Variants in EDARADD observed in about 807,000 individuals in gnomAD.
The protein encoded by EDARADD is ectodysplasin-A receptor-associated adapter protein.
A neutral mutation model predicts 25.6 loss-of-function variants in EDARADD; 20 were observed. The observed-to-expected ratio is 0.78, with a 90% confidence interval of 0.55 to 1.14. The LOEUF (loss-of-function observed/expected upper bound fraction) is 1.14. Ranked by LOEUF, EDARADD falls within the 50% of genes most tolerant of loss-of-function variation. The probability of loss-of-function intolerance (pLI) is 0.00; values close to 1 mark genes in which losing one functional copy is unlikely to be tolerated. For missense variants in EDARADD, 225 were observed against 270.1 expected (o/e 0.83, Z 1.17); for synonymous variants, 86 against 94.4 (o/e 0.91, Z 0.52).
rs535991937 is a variant in EDARADD at position 236,466,707 on chromosome 1, C to T, written c.220-1524C>T. On this transcript the variant is annotated intron_variant, in intron 4 of 5. Transcript: ENST00000334232. ...AGGTATGTACACTGCTGAGACATGG[C>T]GATGGGTGAGCTTGGGATGAGGAGA... Among the ~76,000 whole-genome samples, 60 of 152,108 alleles carry T rather than the reference C, an allele frequency of 3.9e-4. No homozygotes were observed. In the South Asian group the frequency reaches 6.0e-3, roughly 15 times the overall value.
At chr1:236,405,314 C>T (rs1186560580) in intron 1 of EDARADD, among the ~76,000 whole-genome samples, 1 of 152,218 alleles carries the variant, frequency 6.6e-6, no homozygotes, top group Admixed American at 6.5e-5. Context: ...GTGATGTCTT[C>T]TGTCTCTATC....
Position 236,449,787 on chromosome 1 carries a change from A to G in EDARADD, c.220-18444A>G, listed in dbSNP as rs146756486. ...AGGGATACAGAATTCTTTCTGTTAC[A>G]TGATTACTTTTCTATTATAAAAGTA... On this transcript the variant is annotated intron_variant, in intron 4 of 5. Transcript: ENST00000334232. Among the ~76,000 whole-genome samples, 6 of 152,324 alleles carry G rather than the reference A, an allele frequency of 3.9e-5. No individual in the cohort carries two copies. The East Asian group carries it at 7.7e-4, about 20-fold the overall frequency.
At position 236,483,514 on chromosome 1, in the gene EDARADD, C is replaced by T; in HGVS notation, c.*865C>T. The T allele has an allele frequency of 9.7e-7, 1 of 1,031,576 alleles. No individual in the cohort carries two copies. Among genetic ancestry groups the T allele is most frequent in the Non-Finnish European group, 1.5e-6 (1 of 651,500 alleles). 63.9% of individuals were successfully genotyped at this position (1,031,576 alleles called of 1,614,324 possible). The stretch of plus-strand genomic sequence containing the variant: ...AATGCCATTCTGGGAGTGTCCCTCG[C>T]TGCCTGCAAAGCTAGTGCTGTTGAG... On this transcript the variant is annotated 3_prime_UTR_variant, in exon 6 of 6. Coordinates refer to ENST00000334232, the MANE Select transcript of EDARADD (RefSeq NM_145861.4).
intron 3 of EDARADD, among the ~76,000 whole-genome samples, chr1:236,371,429 G>A (rs1372897632): frequency 1.3e-5 from 2 of 151,730 alleles, no homozygotes; most frequent in African/African-American, 4.8e-5. Context: ...TCCTTTTTTT[G>A]TCTTATTGCC....
At chr1:236,418,465 G>A (rs1057320573) in intron 3 of EDARADD, among the ~76,000 whole-genome samples, 3 of 150,026 alleles carry the variant, frequency 2.0e-5, no homozygotes, top group South Asian at 2.1e-4. Flanking sequence ...GGCTGGTCTC[G>A]AACTCCTGAC....
chr1:236,470,253 A>G (rs1659323272), intron 5 of EDARADD, among the ~76,000 whole-genome samples: 1 of 152,216 alleles, frequency 6.6e-6, no homozygotes, highest in African/African-American at 2.4e-5. Context: ...GAAATAACCA[A>G]GGAAACTTCT....
At chr1:236,420,383 A>T (rs1317511883) in intron 3 of EDARADD, among the ~76,000 whole-genome samples, 1 of 152,226 alleles carries the variant, frequency 6.6e-6, no homozygotes, top group Admixed American at 6.5e-5. Flanking sequence ...TAAAGTTTAG[A>T]GTATGGCCTT....
At chr1:236,348,956 C>G (rs1216485763) in exon 2 of EDARADD, 1 of 151,784 alleles carries the variant, frequency 6.6e-6, no homozygotes, top group Non-Finnish European at 1.5e-5. Flanking sequence ...TGGCTGGTGT[C>G]TAAAAAGAAG....
chr1:236,447,206 T>TTCTC (rs1658576139), intron 4 of EDARADD, among the ~76,000 whole-genome samples: 1 of 47,444 alleles, frequency 2.1e-5, no homozygotes, highest in African/African-American at 6.5e-5. Context: ...CTTTCTTTCT[T>TTCTC]TCTTTCTTTC....
At chr1:236,426,688 A>T (rs1481798484) in intron 3 of EDARADD, among the ~76,000 whole-genome samples, 1 of 152,144 alleles carries the variant, frequency 6.6e-6, no homozygotes, top group Non-Finnish European at 1.5e-5. Flanking sequence ...CAGGAGAATC[A>T]CTTGAGGCCA....
At chr1:236,437,743 CTTT>C (rs5781886) in intron 4 of EDARADD, among the ~76,000 whole-genome samples, 15 of 88,094 alleles carry the variant, frequency 1.7e-4, no homozygotes, top group Non-Finnish European at 2.0e-4. Flanking sequence ...TTGGTTCCTT[CTTT>C]TTTTTTTTTT....
intron 4 of EDARADD, among the ~76,000 whole-genome samples, chr1:236,467,559 C>T (rs1213923968): frequency 6.6e-6 from 1 of 152,004 alleles, no homozygotes; most frequent in Non-Finnish European, 1.5e-5. Context: ...GCATGATTGC[C>T]TCTCAAGAGA....
At chr1:236,477,439 C>A (rs1188868899) in intron 5 of EDARADD, among the ~76,000 whole-genome samples, 1 of 152,170 alleles carries the variant, frequency 6.6e-6, no homozygotes, top group East Asian at 1.9e-4. Flanking sequence ...AGATACCTAT[C>A]TGTTCTCAGG....
At chr1:236,390,872 T>C (rs1558107364), upstream of EDARADD, among the ~76,000 whole-genome samples, 1 of 152,102 alleles carries the variant, frequency 6.6e-6, no homozygotes, top group Admixed American at 6.6e-5. Context: ...GTCAGTAGTC[T>C]AGAGCCTCCT....
rs909970253 is a variant in EDARADD, at chr1:236,395,369, G to A, written c.61+864G>A. ...CGCGGCACCCCGGCTCCCGCCCCGCGCCTCTGGAGGGAGGTACCGAGGGAC... is the reference window on the plus strand; with the variant it reads ...CGCGGCACCCCGGCTCCCGCCCCGCACCTCTGGAGGGAGGTACCGAGGGAC... On this transcript the variant is annotated intron_variant, in intron 1 of 5. Transcript: ENST00000334232. The surrounding 1 kb of genome is among the most constrained non-coding windows in gnomAD (Gnocchi z 6.9). 2.2e-6 allele frequency: 3 copies of A among 1,346,842 alleles called. No individual in the cohort carries two copies. The African/African-American group carries it at 4.6e-5, about 21-fold the overall frequency. The allele number at this position is 1,346,842 out of a possible 1,614,324, so 83.4% of individuals were successfully genotyped here. A position where few individuals can be genotyped will look rare whatever the true frequency, so the allele number is the denominator to read the frequency against.
At chr1:236,351,176 A>C (rs638128) in intron 3 of EDARADD, among the ~76,000 whole-genome samples, 1 of 151,820 alleles carries the variant, frequency 6.6e-6, no homozygotes, top group South Asian at 2.1e-4. Flanking sequence ...TGTAATTGTT[A>C]CTAGTCCCAG....
intron 1 of EDARADD, among the ~76,000 whole-genome samples, chr1:236,408,042 C>T (rs192973203): frequency 4.3e-4 from 65 of 152,200 alleles, no homozygotes; most frequent in African/African-American, 1.1e-3. Flanking sequence ...GGAGTCATTC[C>T]TGCCGAAGGT....
At position 236,395,160 on chromosome 1, in the gene EDARADD, C is replaced by G. The variant is rs941555123; in HGVS notation, c.61+655C>G. On this transcript the variant is annotated intron_variant, in intron 1 of 5. Transcript: ENST00000334232. The surrounding 1 kb of genome is among the most constrained non-coding windows in gnomAD (Gnocchi z 6.9). ...GGGCGTGAGTAGGGAGCCAGGAAAG[C>G]GACCCGCGACTGCAGCCGTTTCTTA... is the stretch of plus-strand genomic sequence containing the variant. 6.6e-6 allele frequency among the ~76,000 whole-genome samples: 1 copy of G among 152,210 alleles called. No individual in the cohort carries two copies. Among genetic ancestry groups the G allele is most frequent in the South Asian group, 2.1e-4 (1 of 4,834 alleles).
intron 3 of EDARADD, among the ~76,000 whole-genome samples, chr1:236,379,140 C>T (rs1157424005): frequency 1.3e-5 from 2 of 152,194 alleles, no homozygotes; most frequent in African/African-American, 2.4e-5. Flanking sequence ...GAGGCCAAGG[C>T]GGGAGGATCA....
Sources: gnomAD v4.1 joint callset for allele counts (sites outside exome capture counted in the v4.1 genomes callset) on GRCh38, gnomAD v4.1.1 for gene constraint, Gnocchi (gnomAD v3.1) non-coding constraint, MANE v1.5 for transcripts, NCBI Gene and HGNC (gene_info 2026-07-23, HGNC 2026-07-21) for gene names.